COL24A1: variants seen among roughly 807,000 people sequenced by gnomAD.
COL24A1 encodes collagen alpha-1(XXIV) chain.
COL24A1 carries 224 observed loss-of-function variants against 253.9 expected under a neutral mutation model. That is an observed-to-expected ratio of 0.88 (90% confidence interval 0.79 to 0.99). The LOEUF (loss-of-function observed/expected upper bound fraction) is 0.99. Ranked by LOEUF, COL24A1 falls within the 50% of genes least tolerant of loss-of-function variation. The pLI is 0.00. For synonymous variants in COL24A1, 685 were observed against 673.7 expected (o/e 1.02, Z -0.26); for missense variants, 2,131 against 2,068.5 (o/e 1.03, Z -0.59).
chr1:85,802,881 A>C (rs996610581), intron 47 of COL24A1, among the ~76,000 whole-genome samples: 1 of 152,166 alleles, frequency 6.6e-6, no homozygotes, highest in African/African-American at 2.4e-5. Flanking sequence ...AGATTCATTC[A>C]TGTTGAAGCA....
chr1:86,035,179 C>T (rs143557417), intron 12 of COL24A1, among the ~76,000 whole-genome samples: 1 of 152,154 alleles, frequency 6.6e-6, no homozygotes, highest in African/African-American at 2.4e-5. Context: ...TAAAAACCAT[C>T]TGTGTAGTCA....
intron 14 of COL24A1, among the ~76,000 whole-genome samples, chr1:86,029,489 T>G (rs1698354239): frequency 6.6e-6 from 1 of 152,182 alleles, no homozygotes; most frequent in African/African-American, 2.4e-5. Context: ...CTCACACAGG[T>G]TCTTTGACTC....
At chr1:86,029,178 T>A (rs576347530) in intron 14 of COL24A1, among the ~76,000 whole-genome samples, 47 of 151,788 alleles carry the variant, frequency 3.1e-4, no homozygotes, top group African/African-American at 1.1e-3. Flanking sequence ...ACAGAGTTTC[T>A]CAGAAAGGAC....
intron 14 of COL24A1, chr1:86,030,448 C>G (rs927671131): frequency 6.6e-6 from 1 of 152,326 alleles, no homozygotes; most frequent in African/African-American, 2.4e-5. Flanking sequence ...CTGAACCACT[C>G]CTATCCTGGA....
intron 1 of COL24A1, chr1:86,155,419 CT>C (rs1653418470): frequency 6.5e-6 from 1 of 153,156 alleles, no homozygotes; most frequent in Non-Finnish European, 1.5e-5. Flanking sequence ...CTGCAGAAGA[CT>C]TCCACAGCCG....
intron 45 of COL24A1, among the ~76,000 whole-genome samples, chr1:85,818,793 A>C (rs999645953): frequency 4.6e-5 from 7 of 152,212 alleles, no homozygotes. Context: ...CACAAATAAG[A>C]AAAGGAATCA....
intron 57 of COL24A1, among the ~76,000 whole-genome samples, chr1:85,741,505 C>G (rs539216600): frequency 1.3e-5 from 2 of 152,266 alleles, no homozygotes; most frequent in African/African-American, 4.8e-5. Context: ...TATGAATGTT[C>G]GTTTTCTTCC....
At chr1:85,745,408 C>A in intron 56 of COL24A1, 33 bp downstream of exon 56, 1 of 1,509,566 alleles carries the variant, frequency 6.6e-7, no homozygotes, top group Non-Finnish European at 9.1e-7. Context: ...TATTGAGAGA[C>A]AGTGCCAATA....
chr1:86,018,784 T>C (rs1249445205), intron 18 of COL24A1, among the ~76,000 whole-genome samples: 1 of 152,166 alleles, frequency 6.6e-6, no homozygotes, highest in East Asian at 1.9e-4. Flanking sequence ...AGCTAAAAAA[T>C]GGATAGGGCA....
At chr1:85,773,191 G>A (rs1668158817) in intron 53 of COL24A1, among the ~76,000 whole-genome samples, 1 of 152,054 alleles carries the variant, frequency 6.6e-6, no homozygotes, top group Non-Finnish European at 1.5e-5. Flanking sequence ...GATGTGTGGT[G>A]TTATTTCTGA....
chr1:86,156,477 C>A lies in COL24A1; in HGVS notation c.-81G>T. Reference sequence around the variant, plus strand: ...AACTGCTTAGGGTGCAGGTACTGTCCATGAAAAAGGGAAAAAACAATCACA... The same window carrying A: ...AACTGCTTAGGGTGCAGGTACTGTCAATGAAAAAGGGAAAAAACAATCACA... On this transcript the variant is annotated 5_prime_UTR_variant, in exon 1 of 60. An upstream start codon of the reference 5' UTR is lost. Coordinates refer to ENST00000370571, the MANE Select transcript of COL24A1 (RefSeq NM_152890.7). 7.9e-7 allele frequency: 1 copy of A among 1,261,956 alleles called. No homozygotes were observed. Among genetic ancestry groups the A allele is most frequent in the Non-Finnish European group, 1.1e-6 (1 of 929,734 alleles). The allele number at this position is 1,261,956 out of a possible 1,614,324, so 78.2% of individuals were successfully genotyped here.
intron 1 of COL24A1, among the ~76,000 whole-genome samples, chr1:86,149,115 G>A (rs192379141): frequency 4.6e-5 from 7 of 152,212 alleles, no homozygotes; most frequent in Admixed American, 1.3e-4. Flanking sequence ...GGCTGGTCTC[G>A]AACTCCTGAC....
chr1:85,741,517 G>T (rs554712700), intron 57 of COL24A1, among the ~76,000 whole-genome samples: 91 of 152,268 alleles, frequency 6.0e-4, no homozygotes, highest in Non-Finnish European at 1.0e-3. Context: ...TTTTCTTCCA[G>T]TTTATCTTTA....
At chr1:85,847,862 G>T in intron 38 of COL24A1, 90 bp from the exon 39 acceptor site, 1 of 730,356 alleles carries the variant, frequency 1.4e-6, no homozygotes, top group Non-Finnish European at 2.3e-6. Flanking sequence ...AGCTCCTGAG[G>T]ATTATCTGGT....
chr1:85,829,933 A>G (rs1477503466), intron 43 of COL24A1, among the ~76,000 whole-genome samples: 1 of 152,096 alleles, frequency 6.6e-6, no homozygotes, highest in Non-Finnish European at 1.5e-5. Flanking sequence ...CATCAAAGTC[A>G]TTCTCCTTCC....
At chr1:85,986,386 G>A (rs1248105384) in intron 20 of COL24A1, among the ~76,000 whole-genome samples, 1 of 151,612 alleles carries the variant, frequency 6.6e-6, no homozygotes, top group Admixed American at 6.6e-5. Flanking sequence ...GACATAAGAG[G>A]TATCTTTTTA....
chr1:85,832,044 G>A (rs950329847), intron 43 of COL24A1, among the ~76,000 whole-genome samples: 7 of 152,048 alleles, frequency 4.6e-5, no homozygotes, highest in African/African-American at 1.7e-4. Context: ...TTCTTCTAGG[G>A]TTTTTATGGT....
intron 55 of COL24A1, among the ~76,000 whole-genome samples, chr1:85,756,579 G>A (rs1344456393): frequency 1.3e-5 from 2 of 152,208 alleles, no homozygotes; most frequent in Non-Finnish European, 2.9e-5. Flanking sequence ...GTGTTGGTGA[G>A]GATGTGGAGA....
At chr1:85,769,591 A>G (rs1477638727) in intron 53 of COL24A1, among the ~76,000 whole-genome samples, 1 of 152,194 alleles carries the variant, frequency 6.6e-6, no homozygotes, top group South Asian at 2.1e-4. Flanking sequence ...CATAAAGGGT[A>G]TGGTAGAGAA....
Sources: allele counts gnomAD v4.1 joint callset (sites outside exome capture counted in the v4.1 genomes callset), GRCh38; gene constraint gnomAD v4.1.1; transcripts MANE v1.5; gene names NCBI Gene and HGNC (gene_info 2026-07-23, HGNC 2026-07-21).